CAPS2: variants seen among roughly 807,000 people sequenced by gnomAD.
The protein encoded by CAPS2 is calcyphosin-2.
CAPS2 carries 98 observed loss-of-function variants against 86.5 expected under a neutral mutation model. The observed-to-expected ratio is 1.13, with a 90% CI of 0.96 to 1.34. CAPS2 has a LOEUF of 1.34. Ranked by LOEUF, CAPS2 falls within the 40% of genes most tolerant of loss-of-function variation. The pLI, the probability that CAPS2 is intolerant of heterozygous loss-of-function variation, is 0.00. For missense variants in CAPS2, 729 were observed against 686.8 expected, an observed-to-expected ratio of 1.06 and a Z score of -0.69; for synonymous variants, 210 against 225.1, an observed-to-expected ratio of 0.93 and a Z score of 0.60.
At chr12:75,385,759 G>A (rs927276497) in intron 1 of CAPS2, among the ~76,000 whole-genome samples, 15 of 152,158 alleles carry the variant, frequency 9.9e-5, no homozygotes, top group African/African-American at 3.1e-4. Flanking sequence ...TGCAGGATAC[G>A]AGGTTAATAT....
At chr12:75,278,626 A>G (rs916425679) in exon 17 of CAPS2, 6 of 1,126,522 alleles carry the variant, frequency 5.3e-6, no homozygotes, top group Non-Finnish European at 4.3e-6. Flanking sequence ...GTAATAAACC[A>G]AAAAGATATC....
intron 1 of CAPS2, among the ~76,000 whole-genome samples, chr12:75,335,151 T>C (rs2041637588): frequency 1.3e-5 from 2 of 152,144 alleles, no homozygotes. Flanking sequence ...TGTTTGGAAG[T>C]TGCTTTGTTG....
At chr12:75,319,595 G>A (rs1436057077) in intron 5 of CAPS2, among the ~76,000 whole-genome samples, 1 of 152,042 alleles carries the variant, frequency 6.6e-6, no homozygotes, top group African/African-American at 2.4e-5. Flanking sequence ...TTTCTTTATA[G>A]CAACACAAAA....
chr12:75,280,738 A>G (rs966420388), intron 16 of CAPS2, among the ~76,000 whole-genome samples: 1 of 151,836 alleles, frequency 6.6e-6, no homozygotes, highest in Admixed American at 6.6e-5. Flanking sequence ...AGTAAATCAA[A>G]CTATTTCGAC....
intron 1 of CAPS2, among the ~76,000 whole-genome samples, chr12:75,372,888 T>C (rs1030668720): frequency 1.4e-4 from 22 of 152,210 alleles, no homozygotes; most frequent in African/African-American, 5.3e-4. Context: ...AATACAATTA[T>C]GGTGGATAAG....
chr12:75,332,814 AT>A (rs1449973178), upstream of CAPS2, among the ~76,000 whole-genome samples: 1 of 152,244 alleles, frequency 6.6e-6, no homozygotes, highest in African/African-American at 2.4e-5. Flanking sequence ...TGTTAAAAAA[AT>A]AAATAACATA....
exon 16 of CAPS2, chr12:75,282,296 T>C (rs1384115842): frequency 3.1e-6 from 5 of 1,608,540 alleles, no homozygotes; most frequent in Non-Finnish European, 4.3e-6. Context: ...CATTTTCTTA[T>C]GTTTATAATA....
At chr12:75,306,263 C>A in intron 7 of CAPS2, 1 of 626,502 alleles carries the variant, frequency 1.6e-6, no homozygotes, top group Non-Finnish European at 2.8e-6. Flanking sequence ...CCTGGCCAGG[C>A]AGGCCTTCCG....
chr12:75,278,641 C>T, exon 17 of CAPS2: 1 of 1,158,744 alleles, frequency 8.6e-7, no homozygotes, highest in Non-Finnish European at 1.1e-6. Context: ...GATATCTTTA[C>T]AAATGTAAGG....
At chr12:75,318,963 GT>G (rs1191211544) in intron 5 of CAPS2, among the ~76,000 whole-genome samples, 5 of 152,086 alleles carry the variant, frequency 3.3e-5, no homozygotes. Flanking sequence ...AAAACTAAAA[GT>G]TTTTTAGAGT....
In CAPS2 at chr12:75,287,923, C is replaced by T. The variant is rs548110365; in HGVS notation, c.1395+1698G>A. 2.0e-5 allele frequency among the ~76,000 whole-genome samples: 3 copies of T among 152,166 alleles called. No homozygotes were observed. The South Asian group carries it at 6.2e-4, about 32-fold the overall frequency. ...GTTGTCTTGTAGAACTGAGATCTCA[C>T]CCTGTGGGATCTGAGGCTACCTCCA... On this transcript the variant is annotated intron_variant, in intron 14 of 16. Coordinates refer to ENST00000393284, the Ensembl canonical transcript of CAPS2.
At chr12:75,320,844 C>A (rs574947196) in intron 5 of CAPS2, among the ~76,000 whole-genome samples, 3 of 151,932 alleles carry the variant, frequency 2.0e-5, no homozygotes, top group East Asian at 3.9e-4. Context: ...GAAAGCATTA[C>A]AATTACTATG....
intron 13 of CAPS2, among the ~76,000 whole-genome samples, chr12:75,290,457 C>T (rs578033589): frequency 5.9e-5 from 9 of 152,072 alleles, no homozygotes; most frequent in Non-Finnish European, 1.2e-4. Context: ...ACAAATGTCA[C>T]CAAGTTCAAT....
At chr12:75,390,723 A>G (rs2045546504) in intron 1 of CAPS2, 1 of 466,098 alleles carries the variant, frequency 2.1e-6, no homozygotes, top group Non-Finnish European at 4.5e-6. Flanking sequence ...TTACTCAGCA[A>G]TTGGCATTTA....
intron 1 of CAPS2, among the ~76,000 whole-genome samples, chr12:75,350,646 C>G (rs2042744530): frequency 6.6e-6 from 1 of 152,062 alleles, no homozygotes; most frequent in South Asian, 2.1e-4. Context: ...AAACAGAAAG[C>G]AACAACAGCA....
chr12:75,285,390 A>C, intron 14 of CAPS2, among the ~76,000 whole-genome samples: 1 of 152,022 alleles, frequency 6.6e-6, no homozygotes, highest in Non-Finnish European at 1.5e-5. Flanking sequence ...ATGATATTTC[A>C]ATACATGTGT....
chr12:75,310,831 G>A (rs2039075315), intron 7 of CAPS2, among the ~76,000 whole-genome samples: 1 of 152,028 alleles, frequency 6.6e-6, no homozygotes, highest in Non-Finnish European at 1.5e-5. Flanking sequence ...AGACTACCAG[G>A]CTAGCCAAGC....
At chr12:75,304,268 T>C (rs891830577) in intron 8 of CAPS2, among the ~76,000 whole-genome samples, 20 of 152,238 alleles carry the variant, frequency 1.3e-4, no homozygotes, top group Non-Finnish European at 2.4e-4. Flanking sequence ...GGTAGATTTT[T>C]TTATGTCTAC....
intron 13 of CAPS2, among the ~76,000 whole-genome samples, chr12:75,290,119 C>T (rs2035583181): frequency 6.6e-6 from 1 of 152,090 alleles, no homozygotes; most frequent in South Asian, 2.1e-4. Context: ...ACCTCTTTAA[C>T]CACCCCATAT....
Sources: gnomAD v4.1 joint callset for allele counts (sites outside exome capture counted in the v4.1 genomes callset) on GRCh38, gnomAD v4.1.1 for gene constraint, MANE v1.5 for transcripts, NCBI Gene and HGNC (gene_info 2026-07-23, HGNC 2026-07-21) for gene names.